The following CHSY1 variants were observed in gnomAD, a reference collection of about 807,000 sequenced individuals.
CHSY1 encodes the protein chondroitin sulfate synthase 1, also known as N-acetylgalactosaminyl-proteoglycan 3-beta-glucuronosyltransferase 1.
In CHSY1, 13 loss-of-function variants were observed where a neutral mutation model predicts 59.8. The ratio of observed to expected loss-of-function variants is 0.22; its 90% CI spans 0.14 to 0.35. CHSY1 has a LOEUF of 0.35. Among genes scored for constraint, CHSY1 ranks in the 10% least tolerant of loss-of-function variants. The pLI is 1.00. For synonymous variants in CHSY1, 459 were observed against 401.2 expected, an observed-to-expected ratio of 1.14 and a Z score of -1.72; for missense variants, 947 against 1,030.6, an observed-to-expected ratio of 0.92 and a Z score of 1.11.
intron 2 of CHSY1, among the ~76,000 whole-genome samples, chr15:101,192,650 T>C (rs2038458918): frequency 6.6e-6 from 1 of 151,978 alleles, no homozygotes. Flanking sequence ...GAATTCAGAG[T>C]TCTAAACGCC....
chr15:101,176,580 T>G lies in CHSY1; in HGVS notation c.*808A>C. On this transcript the variant is annotated 3_prime_UTR_variant, in exon 3 of 3. Transcript: ENST00000254190. ...ACTGTGCCTTCTTCACGCCCCTTGC[T>G]TTAAAACCTACGTGGCCAGCTGGGC... is the stretch of plus-strand genomic sequence containing the variant. 2.5e-6 allele frequency: 1 copy of G among 394,926 alleles called. No homozygotes were observed. The highest frequency in any genetic ancestry group is 3.6e-5 in the East Asian group (1 of 27,874). The allele number at this position is 394,926 out of a possible 1,614,324, so 24.5% of individuals were successfully genotyped here. A position where few individuals can be genotyped will look rare whatever the true frequency, so the allele number is the denominator to read the frequency against.
At position 101,245,617 on chromosome 15, in the gene CHSY1, A is replaced by G. The variant is rs117583833; in HGVS notation, c.320+5520T>C. On this transcript the variant is annotated intron_variant, in intron 1 of 2. Transcript: ENST00000254190. ...GAACGTGAAGCTGCCGGTGCAATGGAAACAGTCACGCACAATCCGCTATTG... is the reference window on the plus strand; with the variant it reads ...GAACGTGAAGCTGCCGGTGCAATGGGAACAGTCACGCACAATCCGCTATTG... Among the ~76,000 whole-genome samples, 53 of 152,320 alleles carry G rather than the reference A, an allele frequency of 3.5e-4. No individual in the cohort carries two copies. In the East Asian group the frequency reaches 7.9e-3, roughly 23 times the overall value.
intron 2 of CHSY1, among the ~76,000 whole-genome samples, chr15:101,198,180 C>G (rs986742673): frequency 6.6e-6 from 1 of 152,108 alleles, no homozygotes; most frequent in Non-Finnish European, 1.5e-5. Context: ...GCTCTGAGCT[C>G]TGTGTCTCCA....
At position 101,235,208 on chromosome 15, in the gene CHSY1, C is replaced by T. The variant is rs751695766; in HGVS notation, c.690G>A (p.Glu230=). The change falls in exon 2 of 3, where the codon GAG becomes GAA. Residue 230 remains glutamate (E), a synonymous_variant. Coordinates refer to ENST00000254190, the MANE Select transcript of CHSY1 (RefSeq NM_014918.5). Reference sequence around the variant, plus strand: ...TGTGCGGCACCATTCTCCGAAGCACCTCCCGGCTCATGATCACGCCAGGCC... The same window carrying T: ...TGTGCGGCACCATTCTCCGAAGCACTTCCCGGCTCATGATCACGCCAGGCC... ...MGGPGVIMSR[E]VLRRMVPHIG... is the part of the protein sequence containing the mutation. 3.1e-6 allele frequency: 5 copies of T among 1,613,840 alleles called. No individual in the cohort carries two copies. The South Asian group carries it at 3.3e-5, about 11-fold the overall frequency.
chr15:101,182,481 C>A (rs1466744423), intron 2 of CHSY1, among the ~76,000 whole-genome samples: 1 of 152,190 alleles, frequency 6.6e-6, no homozygotes. Flanking sequence ...ATGAATGCTG[C>A]ATCTTAGTCC....
intron 2 of CHSY1, among the ~76,000 whole-genome samples, chr15:101,191,528 G>A (rs1390776705): frequency 6.6e-6 from 1 of 152,216 alleles, no homozygotes; most frequent in East Asian, 1.9e-4. Context: ...CCCACAGAAT[G>A]TTCAACACCA....
At chr15:101,234,002 C>T (rs2038915879) in intron 2 of CHSY1, among the ~76,000 whole-genome samples, 1 of 152,180 alleles carries the variant, frequency 6.6e-6, no homozygotes, top group Non-Finnish European at 1.5e-5. Context: ...AGTTTATCAA[C>T]CTAAAGACAA....
chr15:101,185,937 A>G (rs1022134749), intron 2 of CHSY1, among the ~76,000 whole-genome samples: 11 of 151,840 alleles, frequency 7.2e-5, no homozygotes, highest in African/African-American at 2.2e-4. Context: ...ATTATGGGCT[A>G]CGTCACTGCT....
chr15:101,218,376 C>T (rs995772392), intron 2 of CHSY1, among the ~76,000 whole-genome samples: 11 of 152,214 alleles, frequency 7.2e-5, no homozygotes, highest in African/African-American at 2.6e-4. Context: ...GCAGGTGGAT[C>T]TCCTGAGGTC....
chr15:101,187,462 G>C (rs2038385916), intron 2 of CHSY1: 2 of 152,162 alleles, frequency 1.3e-5, no homozygotes, highest in South Asian at 4.1e-4. Flanking sequence ...CTGGGCAACA[G>C]AGCAGGACTC....
intron 2 of CHSY1, among the ~76,000 whole-genome samples, chr15:101,211,996 C>CA (rs565465052): frequency 2.0e-5 from 3 of 150,724 alleles, no homozygotes; most frequent in Non-Finnish European, 3.0e-5. Flanking sequence ...AAGTCATGGA[C>CA]AAAAGGTGTG....
chr15:101,214,554 G>C (rs1257583354), intron 2 of CHSY1, among the ~76,000 whole-genome samples: 1 of 152,250 alleles, frequency 6.6e-6, no homozygotes, highest in African/African-American at 2.4e-5. Context: ...GAGTGATACA[G>C]CTTGGATCTG....
chr15:101,184,196 C>T (rs369634688), intron 2 of CHSY1, among the ~76,000 whole-genome samples: 1 of 152,140 alleles, frequency 6.6e-6, no homozygotes. Context: ...GTTTTAGAAG[C>T]TGCCTACGGT....
At chr15:101,195,540 G>A (rs374707323) in intron 2 of CHSY1, among the ~76,000 whole-genome samples, 3 of 152,234 alleles carry the variant, frequency 2.0e-5, no homozygotes, top group Non-Finnish European at 4.4e-5. Flanking sequence ...TTTAAAAGCT[G>A]GCCGGGTGTG....
At chr15:101,224,788 A>G (rs962594569) in intron 2 of CHSY1, among the ~76,000 whole-genome samples, 1 of 152,202 alleles carries the variant, frequency 6.6e-6, no homozygotes, top group African/African-American at 2.4e-5. Flanking sequence ...CCTGAGGTGA[A>G]CAACACTGCC....
At chr15:101,234,589 C>T (rs997714670) in intron 2 of CHSY1, among the ~76,000 whole-genome samples, 2 of 152,204 alleles carry the variant, frequency 1.3e-5, no homozygotes, top group Non-Finnish European at 2.9e-5. Flanking sequence ...TATGGAAGAG[C>T]CGGGCGCCGT....
Position 101,248,477 on chromosome 15 carries a change from G to T in CHSY1, c.320+2660C>A, listed in dbSNP as rs78239627. Among the ~76,000 whole-genome samples, 409 of 152,294 alleles carry T rather than the reference G, an allele frequency of 2.7e-3. 2 individuals carry two copies. Among genetic ancestry groups the T allele is most frequent in the African/African-American group, 9.5e-3 (395 of 41,558 alleles). Reference sequence around the variant, plus strand: ...ACTTCTTAAGATCTGAGAGATAAAAGGAAACTTCTGTGAGAGAGCTGGAGT... The same window carrying T: ...ACTTCTTAAGATCTGAGAGATAAAATGAAACTTCTGTGAGAGAGCTGGAGT... On this transcript the variant is annotated intron_variant, in intron 1 of 2. Coordinates refer to ENST00000254190, the MANE Select transcript of CHSY1 (RefSeq NM_014918.5).
intron 2 of CHSY1, among the ~76,000 whole-genome samples, chr15:101,217,115 A>C (rs2038741519): frequency 6.6e-6 from 1 of 152,228 alleles, no homozygotes; most frequent in South Asian, 2.1e-4. Context: ...CCAAAGAGAT[A>C]TATGTTAATT....
intron 2 of CHSY1, among the ~76,000 whole-genome samples, chr15:101,227,001 A>G (rs531583170): frequency 1.3e-5 from 2 of 152,352 alleles, no homozygotes; most frequent in African/African-American, 4.8e-5. Flanking sequence ...CTGCCCTGAA[A>G]GTAAAGCGAA....
Sources: gnomAD v4.1 joint callset for allele counts (sites outside exome capture counted in the v4.1 genomes callset) on GRCh38, gnomAD v4.1.1 for gene constraint, MANE v1.5 for transcripts, NCBI Gene and HGNC (gene_info 2026-07-23, HGNC 2026-07-21) for gene names.